Variants in XYLT1 observed in about 807,000 individuals in gnomAD.
XYLT1 encodes the protein xylosyltransferase 1.
A neutral mutation model predicts 91.3 loss-of-function variants in XYLT1; 36 were observed. The observed-to-expected ratio is 0.39, with a 90% confidence interval of 0.30 to 0.52. The LOEUF is 0.52. XYLT1 is among the 20% of genes least tolerant of loss of function. XYLT1 has a pLI of 0.68. For synonymous variants in XYLT1, 588 were observed against 532.0 expected (o/e 1.11, Z -1.45); for missense variants, 1,242 against 1,284.5 (o/e 0.97, Z 0.51).
intron 2 of XYLT1, among the ~76,000 whole-genome samples, chr16:17,285,380 A>G (rs926077213): frequency 1.3e-5 from 2 of 152,206 alleles, no homozygotes; most frequent in African/African-American, 4.8e-5. Flanking sequence ...CTTGCGCTAG[A>G]TGCTTCTCGA....
At chr16:17,365,345 C>T (rs752484060) in intron 1 of XYLT1, among the ~76,000 whole-genome samples, 45 of 152,112 alleles carry the variant, frequency 3.0e-4, no homozygotes, top group South Asian at 6.2e-4. Context: ...GCTCCTAAGA[C>T]GAAGGCTGGG....
At chr16:17,326,214 G>A (rs1190919478) in intron 2 of XYLT1, among the ~76,000 whole-genome samples, 1 of 151,992 alleles carries the variant, frequency 6.6e-6, no homozygotes, top group Non-Finnish European at 1.5e-5. Flanking sequence ...ATACAATGCA[G>A]TATTGTTAAC....
At position 17,102,311 on chromosome 16, in the gene XYLT1, C is replaced by T. The variant is rs189894143; in HGVS notation, c.*6384G>A. 1 of 152,672 alleles carries T rather than the reference C, an allele frequency of 6.5e-6. No individual in the cohort carries two copies. Among genetic ancestry groups the T allele is most frequent in the Non-Finnish European group, 1.5e-5 (1 of 68,020 alleles). The allele number at this position is 152,672 out of a possible 1,614,324, so 9.5% of individuals were successfully genotyped here. A position where few individuals can be genotyped will look rare whatever the true frequency, so the allele number is the denominator to read the frequency against. On this transcript the variant is annotated 3_prime_UTR_variant, in exon 12 of 12. Transcript: ENST00000261381. ...GCACAATGTTGCTGAAAAGAAGCCA[C>T]ATATAGTCACTGTTCCATAAAGGCA...
chr16:17,113,105 C>T (rs1966845568), intron 11 of XYLT1, among the ~76,000 whole-genome samples: 2 of 151,776 alleles, frequency 1.3e-5, no homozygotes, highest in Admixed American at 1.3e-4. Context: ...TCCCAAAGTG[C>T]TGGGATTACA....
At chr16:17,404,712 G>A (rs1030391369) in intron 1 of XYLT1, among the ~76,000 whole-genome samples, 6 of 151,916 alleles carry the variant, frequency 3.9e-5, no homozygotes, top group Admixed American at 3.9e-4. Context: ...GAGGCGGGAG[G>A]ACGACTTGAG....
rs569494308 is a variant in XYLT1, at chr16:17,445,497, C to T, written c.363+24937G>A. Among the ~76,000 whole-genome samples, 17 of 152,314 alleles carry T rather than the reference C, an allele frequency of 1.1e-4. No individual in the cohort carries two copies. In the East Asian group the frequency reaches 3.3e-3, roughly 29 times the overall value. On this transcript the variant is annotated intron_variant, in intron 1 of 11. Transcript: ENST00000261381. The stretch of plus-strand genomic sequence containing the variant: ...TCACCAGAAAGGAAGGCTGGGAGCC[C>T]TTCCTGGCAGCTGCCAGAACATCTG...
intron 2 of XYLT1, among the ~76,000 whole-genome samples, chr16:17,314,592 C>T (rs1285574804): frequency 1.3e-5 from 2 of 152,094 alleles, no homozygotes; most frequent in East Asian, 1.9e-4. Flanking sequence ...GAGCAACATG[C>T]GAAACCAAAT....
intron 1 of XYLT1, among the ~76,000 whole-genome samples, chr16:17,438,707 A>G (rs1249546417): frequency 1.3e-5 from 2 of 152,076 alleles, no homozygotes; most frequent in African/African-American, 2.4e-5. Context: ...GCAGAAGGTG[A>G]AGGGGAAGCA....
intron 1 of XYLT1, among the ~76,000 whole-genome samples, chr16:17,465,929 C>G (rs1191372141): frequency 5.3e-5 from 8 of 152,056 alleles, no homozygotes; most frequent in Admixed American, 3.9e-4. Flanking sequence ...AGTGACTTGC[C>G]CAAGATTAGG....
intron 2 of XYLT1, among the ~76,000 whole-genome samples, chr16:17,286,048 C>T (rs988967764): frequency 3.3e-5 from 5 of 152,130 alleles, no homozygotes; most frequent in Non-Finnish European, 7.4e-5. Context: ...CCACGTGCCT[C>T]TCTGCTAATC....
At chr16:17,434,803 G>A (rs1344329231) in intron 1 of XYLT1, among the ~76,000 whole-genome samples, 2 of 152,066 alleles carry the variant, frequency 1.3e-5, no homozygotes, top group African/African-American at 4.8e-5. Flanking sequence ...AGGAGTTCAG[G>A]GCTATAGTGA....
intron 1 of XYLT1, among the ~76,000 whole-genome samples, chr16:17,433,827 A>G (rs1161780918): frequency 6.6e-6 from 1 of 152,220 alleles, no homozygotes; most frequent in African/African-American, 2.4e-5. Flanking sequence ...TCATTGAAAA[A>G]GAAAATATCT....
At chr16:17,295,702 T>A (rs1050411187) in intron 2 of XYLT1, among the ~76,000 whole-genome samples, 1 of 152,146 alleles carries the variant, frequency 6.6e-6, no homozygotes, top group Non-Finnish European at 1.5e-5. Context: ...ACAGGGGACA[T>A]CTTGCCATGT....
chr16:17,267,531 C>T (rs538346695), intron 2 of XYLT1, among the ~76,000 whole-genome samples: 2 of 152,178 alleles, frequency 1.3e-5, no homozygotes, highest in Non-Finnish European at 2.9e-5. Flanking sequence ...CTCAGCCTCC[C>T]GAGTAGCTGG....
chr16:17,297,580 T>C (rs141768087), intron 2 of XYLT1, among the ~76,000 whole-genome samples: 2 of 149,540 alleles, frequency 1.3e-5, no homozygotes, highest in African/African-American at 2.5e-5. Flanking sequence ...AAACTTAGCT[T>C]GGTATGGGGG....
At chr16:17,422,515 T>G (rs1168730318) in intron 1 of XYLT1, among the ~76,000 whole-genome samples, 2 of 151,736 alleles carry the variant, frequency 1.3e-5, no homozygotes, top group African/African-American at 4.8e-5. Context: ...TTTTACTTTA[T>G]TATTTTTTTT....
chr16:17,283,683 C>G (rs2034091908), intron 2 of XYLT1, among the ~76,000 whole-genome samples: 1 of 152,164 alleles, frequency 6.6e-6, no homozygotes, highest in African/African-American at 2.4e-5. Flanking sequence ...TTGGGACTTC[C>G]AACGCAACCA....
chr16:17,282,967 C>CCG (rs1337851355), intron 2 of XYLT1, among the ~76,000 whole-genome samples: 1 of 151,992 alleles, frequency 6.6e-6, no homozygotes, highest in Non-Finnish European at 1.5e-5. Flanking sequence ...GTCACCCCCC[C>CCG]CAAGTCACAC....
intron 2 of XYLT1, among the ~76,000 whole-genome samples, chr16:17,335,558 C>T (rs939637196): frequency 3.9e-5 from 6 of 151,916 alleles, no homozygotes; most frequent in South Asian, 2.1e-4. Flanking sequence ...GGCATGGTGG[C>T]GGGCGCCTGT....
Sources: allele counts gnomAD v4.1 joint callset (sites outside exome capture counted in the v4.1 genomes callset), GRCh38; gene constraint gnomAD v4.1.1; transcripts MANE v1.5; gene names NCBI Gene and HGNC (gene_info 2026-07-23, HGNC 2026-07-21).